The following SEMA4B variants were observed in gnomAD, a reference collection of about 807,000 sequenced individuals.
SEMA4B encodes semaphorin-4B.
SEMA4B carries 55 observed loss-of-function variants against 88.1 expected under a neutral mutation model. That is an observed-to-expected ratio of 0.62 (90% CI 0.50 to 0.78). The LOEUF (loss-of-function observed/expected upper bound fraction) is 0.78, where lower values mean the gene tolerates loss of function less well. Among genes scored for constraint, SEMA4B ranks in the 30% least tolerant of loss-of-function variants. The pLI, the probability that SEMA4B is intolerant of heterozygous loss-of-function variation, is 0.00. For synonymous variants in SEMA4B, 525 were observed against 473.6 expected, an observed-to-expected ratio of 1.11 and a Z score of -1.41; for missense variants, 1,062 against 1,111.9, an observed-to-expected ratio of 0.96 and a Z score of 0.64.
intron 11 of SEMA4B, 117 bp downstream of exon 11, chr15:90,225,514 T>C (rs898412353): frequency 3.1e-6 from 4 of 1,292,670 alleles, no homozygotes; most frequent in Non-Finnish European, 2.2e-6. Flanking sequence ...AGATAAAGGA[T>C]CCAGTCATGA....
intron 1 of SEMA4B, among the ~76,000 whole-genome samples, chr15:90,216,596 T>G (rs1230667231): frequency 1.3e-5 from 2 of 152,196 alleles, no homozygotes; most frequent in African/African-American, 4.8e-5. Flanking sequence ...AGACCAGTGC[T>G]TTTTTGGGAG....
At chr15:90,196,149 C>T (rs1280616673) in intron 1 of SEMA4B, among the ~76,000 whole-genome samples, 5 of 144,192 alleles carry the variant, frequency 3.5e-5, no homozygotes, top group African/African-American at 1.0e-4. Flanking sequence ...AGGATGGTCT[C>T]GATCTCCTGA....
chr15:90,209,603 C>CA, intron 1 of SEMA4B, among the ~76,000 whole-genome samples: 1 of 151,832 alleles, frequency 6.6e-6, no homozygotes, highest in Admixed American at 6.5e-5. Context: ...AAAGACCCTC[C>CA]TCATCATCAT....
intron 1 of SEMA4B, among the ~76,000 whole-genome samples, chr15:90,213,195 A>G (rs1466289704): frequency 6.6e-6 from 1 of 152,132 alleles, no homozygotes; most frequent in Non-Finnish European, 1.5e-5. Context: ...TCCCCATTTT[A>G]CAGATAAGGA....
intron 1 of SEMA4B, among the ~76,000 whole-genome samples, chr15:90,215,609 C>A (rs574845108): frequency 6.6e-6 from 1 of 151,872 alleles, no homozygotes; most frequent in African/African-American, 2.4e-5. Flanking sequence ...GCCAGGAGTT[C>A]GAGACCAGCC....
intron 3 of SEMA4B, among the ~76,000 whole-genome samples, chr15:90,218,928 T>G (rs1356458508): frequency 6.6e-6 from 1 of 151,294 alleles, no homozygotes; most frequent in Non-Finnish European, 1.5e-5. Flanking sequence ...CAGGAGAGAG[T>G]GAGGAGCTGA....
At position 90,225,792 on chromosome 15, in the gene SEMA4B, G is replaced by A. The variant is rs747952623; in HGVS notation, c.1653G>A (p.Lys551=). The A allele has an allele frequency of 1.9e-6, 3 of 1,559,186 alleles. No homozygotes were observed. Among genetic ancestry groups the A allele is most frequent in the Non-Finnish European group, 2.6e-6 (3 of 1,153,204 alleles). ...GTGCTTGGAGCGGCTCCAGCTGCAA[G>A]CACGTCAGCCTCTACCAGCCTCAGC... The part of the protein sequence containing the change: ...PYCAWSGSSC[K]HVSLYQPQLA... The change falls in exon 12 of 14, where the codon AAG becomes AAA. Residue 551 remains lysine, a synonymous_variant. Transcript: ENST00000411539.
At chr15:90,186,142 T>G (rs1348435979) in intron 1 of SEMA4B, among the ~76,000 whole-genome samples, 1 of 151,810 alleles carries the variant, frequency 6.6e-6, no homozygotes, top group African/African-American at 2.4e-5. Context: ...CCATGTTGGC[T>G]AGGCTGGTCT....
rs867838171 is a variant in SEMA4B, at chr15:90,221,371, C to T, written c.600C>T (p.Gly200=). Residue 200 remains glycine, a synonymous_variant, in exon 6 of 14, where the codon GGC becomes GGT. Coordinates refer to ENST00000411539, the MANE Select transcript of SEMA4B (RefSeq NM_198925.4). ...ATGGGAATGTTTTCTTGGCAGATGG[C>T]GAGCTCTACACTGGAACAGTCAGCA... ...NFKSTALVVD[G]ELYTGTVSSF... 10 of 1,554,386 alleles carry T rather than the reference C, an allele frequency of 6.4e-6. No homozygotes were observed. The highest frequency in any genetic ancestry group is 2.4e-5 in the East Asian group (1 of 40,986).
In SEMA4B at chr15:90,224,006, G is replaced by A. The variant is rs749860551; in HGVS notation, c.1194+18G>A. 10 of 1,598,890 alleles carry A rather than the reference G, an allele frequency of 6.3e-6. No individual in the cohort carries two copies. In the Admixed American group the frequency reaches 8.4e-5, roughly 13 times the overall value. The stretch of plus-strand genomic sequence containing the variant: ...CTGGAGCGGTGGGTACTGGCTCCCT[G>A]CACCCAGAAGGGGTGCCGGGAAGAT... On this transcript the variant is annotated intron_variant, in intron 9 of 13. Transcript: ENST00000411539.
chr15:90,225,551 A>C, intron 11 of SEMA4B, 110 bp from the exon 12 acceptor site: 1 of 1,348,958 alleles, frequency 7.4e-7, no homozygotes, highest in Non-Finnish European at 1.0e-6. Flanking sequence ...GTCGCCTGTT[A>C]CGTAACAGGC....
Position 90,224,076 on chromosome 15 carries a change from G to T in SEMA4B, c.1194+88G>T, listed in dbSNP as rs908229439. 13 of 1,320,988 alleles carry T rather than the reference G, an allele frequency of 9.8e-6. No individual in the cohort carries two copies. In the African/African-American group the frequency reaches 1.9e-4, roughly 19 times the overall value. 81.8% of individuals were successfully genotyped at this position (1,320,988 alleles called of 1,614,324 possible). ...TGGGAGCAAGGCTGCCTAGCCTCGG[G>T]CAGATCACTTGGCTTCTCTGAATCT... On this transcript the variant is annotated intron_variant, in intron 9 of 13. Transcript: ENST00000411539.
intron 3 of SEMA4B, among the ~76,000 whole-genome samples, chr15:90,219,030 A>G (rs921522538): frequency 6.6e-6 from 1 of 152,132 alleles, no homozygotes; most frequent in African/African-American, 2.4e-5. Flanking sequence ...GAGATGTGAC[A>G]TGGTCTCACC....
intron 1 of SEMA4B, among the ~76,000 whole-genome samples, chr15:90,203,802 C>T (rs940752819): frequency 1.3e-5 from 2 of 152,212 alleles, no homozygotes; most frequent in South Asian, 2.1e-4. Flanking sequence ...GCAAAAGACC[C>T]CTTCTGCTAT....
intron 1 of SEMA4B, 102 bp downstream of exon 1, chr15:90,201,837 G>T: frequency 2.5e-6 from 3 of 1,179,458 alleles, no homozygotes; most frequent in South Asian, 3.7e-5. Flanking sequence ...GAGGGGACCT[G>T]TCGGAGGCAC....
At chr15:90,219,504 G>T (rs1327046954) in intron 3 of SEMA4B, 3 of 355,628 alleles carry the variant, frequency 8.4e-6, no homozygotes, top group Non-Finnish European at 1.6e-5. Context: ...TGCTGCTGGG[G>T]AATAGTACAA....
chr15:90,185,765 G>A (rs1018798568), intron 1 of SEMA4B, among the ~76,000 whole-genome samples: 1 of 152,050 alleles, frequency 6.6e-6, no homozygotes, highest in African/African-American at 2.4e-5. Flanking sequence ...TCCCCATAAT[G>A]CCTTAGAACT....
chr15:90,201,210 C>G (rs920668519), upstream of SEMA4B: 10 of 651,306 alleles, frequency 1.5e-5, no homozygotes, highest in Non-Finnish European at 1.7e-5. Context: ...GGCTTGGCCC[C>G]TGCGGCAGCG....
chr15:90,229,168 C>T lies in SEMA4B; in HGVS notation c.*525C>T. 2 of 379,358 alleles carry T rather than the reference C, an allele frequency of 5.3e-6. No individual in the cohort carries two copies. The highest frequency in any genetic ancestry group is 1.1e-5 in the Non-Finnish European group (2 of 188,466). 23.5% of individuals were successfully genotyped at this position (379,358 alleles called of 1,614,324 possible). The stretch of plus-strand genomic sequence containing the variant: ...TTGGGCTGCGTGCGTTCTGCCTTGC[C>T]AGTCAGCCGAGGATGTAGTTGTTGC... On this transcript the variant is annotated 3_prime_UTR_variant, in exon 14 of 14. Transcript: ENST00000411539.
Sources: gnomAD v4.1 joint callset for allele counts (sites outside exome capture counted in the v4.1 genomes callset) on GRCh38, gnomAD v4.1.1 for gene constraint, MANE v1.5 for transcripts, NCBI Gene and HGNC (gene_info 2026-07-23, HGNC 2026-07-21) for gene names.